Variants in PDE4D observed in about 807,000 individuals in gnomAD.
The protein encoded by PDE4D is 3',5'-cyclic-AMP phosphodiesterase 4D.
A neutral mutation model predicts 87.4 loss-of-function variants in PDE4D; 24 were observed. That is an observed-to-expected ratio of 0.27 (90% CI 0.20 to 0.39). The LOEUF (loss-of-function observed/expected upper bound fraction) is 0.39. Among genes scored for constraint, PDE4D ranks in the 10% least tolerant of loss-of-function variants. The pLI is 1.00. For missense variants in PDE4D, 714 were observed against 1,041.0 expected, an observed-to-expected ratio of 0.69 and a Z score of 4.32; for synonymous variants, 384 against 383.2, an observed-to-expected ratio of 1.00 and a Z score of -0.02.
intron 1 of PDE4D, among the ~76,000 whole-genome samples, chr5:59,481,485 A>C (rs1231865934): frequency 1.3e-5 from 2 of 152,060 alleles, no homozygotes; most frequent in East Asian, 3.9e-4. Flanking sequence ...TCATCTCTAA[A>C]ATGGGAGTTG....
chr5:60,188,800 T>C (rs149388968), intron 1 of PDE4D, among the ~76,000 whole-genome samples: 1 of 152,342 alleles, frequency 6.6e-6, no homozygotes, highest in African/African-American at 2.4e-5. Flanking sequence ...TGCCCAGGAA[T>C]GGCAGAACCA....
At chr5:60,035,406 G>A (rs1767685233) in intron 2 of PDE4D, among the ~76,000 whole-genome samples, 2 of 152,076 alleles carry the variant, frequency 1.3e-5, no homozygotes, top group Non-Finnish European at 1.5e-5. Flanking sequence ...TTTTGTCTCT[G>A]TTTTACAGAT....
chr5:59,133,192 G>T (rs1468044315), intron 5 of PDE4D, among the ~76,000 whole-genome samples: 3 of 151,988 alleles, frequency 2.0e-5, no homozygotes, highest in African/African-American at 7.2e-5. Context: ...TCATAAACAT[G>T]AAACAGAAAA....
At chr5:59,042,477 T>TGAA (rs1759850157) in intron 5 of PDE4D, among the ~76,000 whole-genome samples, 1 of 152,200 alleles carries the variant, frequency 6.6e-6, no homozygotes, top group Non-Finnish European at 1.5e-5. Flanking sequence ...ACATACTGCA[T>TGAA]TCATTAATAA....
chr5:60,286,824 C>T (rs1706651937), intron 1 of PDE4D, among the ~76,000 whole-genome samples: 1 of 152,142 alleles, frequency 6.6e-6, no homozygotes, highest in African/African-American at 2.4e-5. Flanking sequence ...TAACAAGTAA[C>T]TTTAAAAGAA....
At chr5:59,630,971 G>A (rs1831497569) in intron 1 of PDE4D, among the ~76,000 whole-genome samples, 2 of 152,058 alleles carry the variant, frequency 1.3e-5, no homozygotes, top group Non-Finnish European at 2.9e-5. Flanking sequence ...CATATTTGTG[G>A]AAGGGATAAA....
chr5:60,426,652 C>T (rs184189920), intron 1 of PDE4D, among the ~76,000 whole-genome samples: 11 of 151,964 alleles, frequency 7.2e-5, no homozygotes, highest in East Asian at 3.9e-4. Context: ...GCACGCTGTG[C>T]GCATGTACCC....
At chr5:59,221,160 A>T (rs1752475009) in intron 1 of PDE4D, among the ~76,000 whole-genome samples, 1 of 152,098 alleles carries the variant, frequency 6.6e-6, no homozygotes, top group Non-Finnish European at 1.5e-5. Context: ...TGGGTTTTAA[A>T]CTCAAGCTGT....
chr5:60,029,406 C>T (rs1766980228), intron 2 of PDE4D, among the ~76,000 whole-genome samples: 1 of 152,230 alleles, frequency 6.6e-6, no homozygotes. Flanking sequence ...ATTCATCTCA[C>T]TTATCTGTGA....
chr5:59,427,172 A>T (rs59819993), intron 1 of PDE4D, among the ~76,000 whole-genome samples: 6,321 of 152,142 alleles, frequency 0.042, 430 homozygotes, highest in African/African-American at 0.14. Flanking sequence ...ATCTAAAGTC[A>T]GTGCTACATG....
At chr5:59,146,969 G>T (rs1010268193) in intron 5 of PDE4D, among the ~76,000 whole-genome samples, 1 of 152,106 alleles carries the variant, frequency 6.6e-6, no homozygotes, top group African/African-American at 2.4e-5. Flanking sequence ...GCAGGCAAGC[G>T]AGCATTACCA....
intron 3 of PDE4D, among the ~76,000 whole-genome samples, chr5:59,935,507 C>A (rs1397272598): frequency 1.3e-5 from 2 of 152,114 alleles, no homozygotes; most frequent in Non-Finnish European, 2.9e-5. Flanking sequence ...TGAACCGAAG[C>A]ATTTTAAGTT....
intron 1 of PDE4D, among the ~76,000 whole-genome samples, chr5:59,607,450 T>A (rs758739808): frequency 2.0e-5 from 3 of 152,104 alleles, no homozygotes; most frequent in Non-Finnish European, 4.4e-5. Context: ...TTTAGAGAAA[T>A]GACAGAAAGT....
At chr5:60,439,685 T>C (rs938928301) in intron 1 of PDE4D, among the ~76,000 whole-genome samples, 5 of 152,058 alleles carry the variant, frequency 3.3e-5, no homozygotes, top group African/African-American at 1.2e-4. Context: ...GCAAATCCTG[T>C]CCATTCTACT....
At chr5:59,746,048 G>A (rs181935994) in intron 1 of PDE4D, among the ~76,000 whole-genome samples, 2 of 152,128 alleles carry the variant, frequency 1.3e-5, no homozygotes. Context: ...CAATATCATT[G>A]TGATAATTAT....
chr5:59,180,398 C>T (rs549727468), intron 5 of PDE4D, 197 bp downstream of exon 5: 38 of 712,098 alleles, frequency 5.3e-5, no homozygotes, highest in Middle Eastern at 2.3e-4. Flanking sequence ...CAGTAAAAAA[C>T]GTAAATCGGT....
chr5:58,996,645 T>C (rs945937907), intron 6 of PDE4D, among the ~76,000 whole-genome samples: 5 of 152,190 alleles, frequency 3.3e-5, no homozygotes, highest in Non-Finnish European at 5.9e-5. Context: ...ATCACAGGTT[T>C]ATCTTCTAAC....
chr5:60,084,646 T>A lies in PDE4D; in HGVS notation c.43-95929A>T, dbSNP rs140392581. Among the ~76,000 whole-genome samples the A allele has an allele frequency of 3.1e-4, 47 of 152,384 alleles. 1 individual carries two copies. The highest frequency in any genetic ancestry group is 1.1e-3 in the African/African-American group (45 of 41,590). ...TACTTAAAAGAACATTTTAAATCAA[T>A]GTTCCAAACACGTAACTCTCTTAAA... On this transcript the variant is annotated intron_variant, in intron 2 of 16. Transcript: ENST00000502484.
rs1388945860 is a variant in PDE4D, at chr5:59,180,649, C to A, written c.759-5G>T. ...TGGTTGCACATGGGTGATCTTCTGA[C>A]AAAGACAGAAAAACACAAAGCAGTA... On this transcript the variant is annotated splice_region_variant and splice_polypyrimidine_tract_variant and intron_variant, in intron 4 of 14. Coordinates refer to ENST00000340635, the MANE Select transcript of PDE4D (RefSeq NM_001104631.2). 5.0e-6 allele frequency: 8 copies of A among 1,612,510 alleles called. No individual in the cohort carries two copies. The highest frequency in any genetic ancestry group is 6.8e-6 in the Non-Finnish European group (8 of 1,179,178).
Sources: gnomAD v4.1 joint callset for allele counts (sites outside exome capture counted in the v4.1 genomes callset) on GRCh38, gnomAD v4.1.1 for gene constraint, MANE v1.5 for transcripts, NCBI Gene and HGNC (gene_info 2026-07-23, HGNC 2026-07-21) for gene names.